The following CNTNAP3 variants were observed in gnomAD, a reference collection of about 807,000 sequenced individuals.
CNTNAP3 encodes contactin-associated protein-like 3.
A neutral mutation model predicts 92.1 loss-of-function variants in CNTNAP3; 36 were observed. The observed-to-expected ratio is 0.39, with a 90% CI of 0.30 to 0.52. The LOEUF is 0.52. CNTNAP3 is among the 20% of genes least tolerant of loss of function. The probability of loss-of-function intolerance (pLI) is 0.76; values close to 1 mark genes in which losing one functional copy is unlikely to be tolerated. For missense variants in CNTNAP3, 534 were observed against 1,069.6 expected, an observed-to-expected ratio of 0.50 and a Z score of 6.98; for synonymous variants, 232 against 422.3, an observed-to-expected ratio of 0.55 and a Z score of 5.53.
Position 39,073,680 on chromosome 9 carries a change from G to T in CNTNAP3, c.*210C>A, listed in dbSNP as rs1478108802. On this transcript the variant is annotated 3_prime_UTR_variant, in exon 24 of 24. Transcript: ENST00000297668. The stretch of plus-strand genomic sequence containing the variant: ...TTGATGTGGAGGACTGTGTTTCACC[G>T]AGGGAGAAAGGGACCTCCCAGAGGC... 2 of 1,251,176 alleles carry T rather than the reference G, an allele frequency of 1.6e-6. No homozygotes were observed. Among genetic ancestry groups the T allele is most frequent in the Non-Finnish European group, 2.2e-6 (2 of 892,236 alleles). The allele number at this position is 1,251,176 out of a possible 1,614,324, so 77.5% of individuals were successfully genotyped here.
rs1361230347 is a variant in CNTNAP3 at position 39,070,409 on chromosome 9, C to A, written c.*3481G>T. Among the ~76,000 whole-genome samples, 1 of 140,920 alleles carries A rather than the reference C, an allele frequency of 7.1e-6. No homozygotes were observed. Among genetic ancestry groups the A allele is most frequent in the Non-Finnish European group, 1.5e-5 (1 of 65,774 alleles). The allele number at this position is 140,920 out of a possible 152,430, so 92.4% of individuals were successfully genotyped here. Reference sequence around the variant, plus strand: ...ATTATGTTAAGTGAAATAGGCCAGGCATAGAAAGACAAACATTGCCATGTT... The same window carrying A: ...ATTATGTTAAGTGAAATAGGCCAGGAATAGAAAGACAAACATTGCCATGTT... On this transcript the variant is annotated 3_prime_UTR_variant, in exon 24 of 24. Transcript: ENST00000297668.
intron 9 of CNTNAP3, chr9:39,159,409 A>AT (rs1454047792): frequency 3.0e-5 from 4 of 133,350 alleles, no homozygotes; most frequent in African/African-American, 5.8e-5. Flanking sequence ...ATATATATAT[A>AT]TATTTTTTTT....
intron 10 of CNTNAP3, among the ~76,000 whole-genome samples, chr9:39,147,483 TCA>T (rs1377185956): frequency 1.3e-5 from 2 of 152,212 alleles, no homozygotes; most frequent in Non-Finnish European, 2.9e-5. Flanking sequence ...CAAAATAATC[TCA>T]GAGGAGCTAG....
rs1324122397 is a variant in CNTNAP3 at position 39,114,015 on chromosome 9, CAT to C, written c.2237+4086_2237+4087del. On this transcript the variant is annotated intron_variant, in intron 14 of 23. Transcript: ENST00000297668. Reference sequence around the variant, plus strand: ...ATACACACACACATATATATACACACATATATATACACACATATATACACACA... The same window carrying C: ...ATACACACACACATATATATACACACATATATACACACATATATACACACA... Among the ~76,000 whole-genome samples the C allele has an allele frequency of 2.7e-3, 392 of 146,572 alleles. 4 individuals are homozygous for C. Among genetic ancestry groups the C allele is most frequent in the Middle Eastern group, 0.014 (4 of 286 alleles).
chr9:39,121,921 G>C (rs754974651), intron 13 of CNTNAP3, among the ~76,000 whole-genome samples: 1 of 152,086 alleles, frequency 6.6e-6, no homozygotes, highest in African/African-American at 2.4e-5. Flanking sequence ...AAACCACCTA[G>C]GGGAATGGAA....
chr9:39,143,231 G>A (rs1821619044), intron 11 of CNTNAP3, among the ~76,000 whole-genome samples: 1 of 151,004 alleles, frequency 6.6e-6, no homozygotes, highest in Admixed American at 6.6e-5. Flanking sequence ...GTTGAGAAGT[G>A]TTAGAATATG....
intron 13 of CNTNAP3, among the ~76,000 whole-genome samples, chr9:39,119,744 T>C (rs778767938): frequency 7.9e-5 from 12 of 152,096 alleles, no homozygotes; most frequent in Non-Finnish European, 1.8e-4. Flanking sequence ...CTGGAAATAA[T>C]ACAGAAGACA....
intron 18 of CNTNAP3, among the ~76,000 whole-genome samples, chr9:39,090,984 T>C (rs1443633382): frequency 6.6e-6 from 1 of 152,122 alleles, no homozygotes; most frequent in Non-Finnish European, 1.5e-5. Context: ...TTTCAGATGG[T>C]TCACAGCTAA....
At position 39,085,389 on chromosome 9, in the gene CNTNAP3, G is replaced by A. The variant is rs564548646; in HGVS notation, c.3442+347C>T. 3.1e-5 allele frequency: 8 copies of A among 257,074 alleles called. No homozygotes were observed. The South Asian group carries it at 3.4e-4, about 11-fold the overall frequency. 15.9% of individuals were successfully genotyped at this position (257,074 alleles called of 1,614,324 possible). A position where few individuals can be genotyped will look rare whatever the true frequency, so the allele number is the denominator to read the frequency against. On this transcript the variant is annotated intron_variant, in intron 21 of 23. Transcript: ENST00000297668. ...GTTTTATCATTGAATGATGGTCTCC[G>A]GAGTTGATGTTGATTAATACATACA...
Position 39,132,809 on chromosome 9 carries a change from T to A in CNTNAP3, c.2080+123A>T, listed in dbSNP as rs947994495. 4.3e-5 allele frequency: 50 copies of A among 1,150,518 alleles called. No individual in the cohort carries two copies. The African/African-American group carries it at 6.1e-4, about 14-fold the overall frequency. The allele number at this position is 1,150,518 out of a possible 1,614,324, so 71.3% of individuals were successfully genotyped here. A position where few individuals can be genotyped will look rare whatever the true frequency, so the allele number is the denominator to read the frequency against. On this transcript the variant is annotated intron_variant, in intron 13 of 23. Coordinates refer to ENST00000297668, the MANE Select transcript of CNTNAP3 (RefSeq NM_033655.5). ...GAGCGGGAAGAGAAGGAGAGAGTGG[T>A]CAGGGCTTTGAACTAAGAGCCACGG...
At chr9:39,077,090 T>G (rs1286507730) in intron 23 of CNTNAP3, among the ~76,000 whole-genome samples, 1 of 152,264 alleles carries the variant, frequency 6.6e-6, no homozygotes, top group Non-Finnish European at 1.5e-5. Flanking sequence ...TAAGCTATGC[T>G]TAACTTCACT....
intron 13 of CNTNAP3, among the ~76,000 whole-genome samples, chr9:39,124,083 A>T (rs1042041058): frequency 1.3e-5 from 2 of 152,086 alleles, no homozygotes; most frequent in African/African-American, 4.8e-5. Context: ...TAATACTAAC[A>T]ATGTATTGGG....
rs1396085475 is a variant in CNTNAP3 at position 39,067,237 on chromosome 9, C to T, written c.*6653G>A. ...TGTCACATCCTAATCTTTGAAAATA[C>T]GGAATATAGTCATAATATTTTTCAT... On this transcript the variant is annotated 3_prime_UTR_variant, in exon 24 of 24. Coordinates refer to ENST00000297668, the MANE Select transcript of CNTNAP3 (RefSeq NM_033655.5). Among the ~76,000 whole-genome samples the T allele has an allele frequency of 8.5e-5, 13 of 152,332 alleles. No homozygotes were observed. The highest frequency in any genetic ancestry group is 2.2e-4 in the African/African-American group (9 of 41,544).
At chr9:39,248,556 C>T (rs142153262) in intron 2 of CNTNAP3, among the ~76,000 whole-genome samples, 1,628 of 38,224 alleles carry the variant, frequency 0.043, 370 homozygotes, top group African/African-American at 0.13. Context: ...TTTTTTTTTA[C>T]ATTTTTTACA....
chr9:39,127,838 G>C (rs942670218), intron 13 of CNTNAP3, among the ~76,000 whole-genome samples: 1 of 151,878 alleles, frequency 6.6e-6, no homozygotes, highest in African/African-American at 2.4e-5. Flanking sequence ...GTTTTGTTTT[G>C]TTTTTGGTTT....
chr9:39,123,091 A>ATTTTTTTT (rs773238134), intron 13 of CNTNAP3, among the ~76,000 whole-genome samples: 6 of 129,822 alleles, frequency 4.6e-5, no homozygotes, highest in African/African-American at 1.8e-4. Context: ...TTGGACAATA[A>ATTTTTTTT]TTTTTTTTTT....
chr9:39,083,377 G>A (rs1825990470), intron 21 of CNTNAP3, among the ~76,000 whole-genome samples: 1 of 151,994 alleles, frequency 6.6e-6, no homozygotes, highest in Non-Finnish European at 1.5e-5. Flanking sequence ...TAGTGTTTAA[G>A]GGGCCAGGTG....
In CNTNAP3 at chr9:39,070,630, A is replaced by G. The variant is rs1177225697; in HGVS notation, c.*3260T>C. Among the ~76,000 whole-genome samples, 1 of 151,838 alleles carries G rather than the reference A, an allele frequency of 6.6e-6. No individual in the cohort carries two copies. Among genetic ancestry groups the G allele is most frequent in the African/African-American group, 2.4e-5 (1 of 41,358 alleles). On this transcript the variant is annotated 3_prime_UTR_variant, in exon 24 of 24. Coordinates refer to ENST00000297668, the MANE Select transcript of CNTNAP3 (RefSeq NM_033655.5). ...TATATGATAGCACAATAGGGTGACT[A>G]TAGTCAATAAAAACTTAACTGCATA...
intron 17 of CNTNAP3, 102 bp from the exon 18 acceptor site, chr9:39,100,252 C>G (rs1276494511): frequency 6.5e-7 from 1 of 1,534,320 alleles, no homozygotes; most frequent in Non-Finnish European, 8.8e-7. Flanking sequence ...GCAATAATCA[C>G]AATGTGTCAA....
Sources: gnomAD v4.1 joint callset for allele counts (sites outside exome capture counted in the v4.1 genomes callset) on GRCh38, gnomAD v4.1.1 for gene constraint, MANE v1.5 for transcripts, NCBI Gene and HGNC (gene_info 2026-07-23, HGNC 2026-07-21) for gene names.